Variants in PLK5 observed in about 807,000 individuals in gnomAD.
PLK5 encodes the protein inactive serine/threonine-protein kinase PLK5.
PLK5 carries 28 observed loss-of-function variants against 33.7 expected under a neutral mutation model. The observed-to-expected ratio is 0.83, with a 90% CI of 0.62 to 1.14. The LOEUF (loss-of-function observed/expected upper bound fraction) is 1.14, where lower values mean the gene tolerates loss of function less well. PLK5 is among the 50% of genes most tolerant of loss of function. The pLI is 0.00. For synonymous variants in PLK5, 225 were observed against 202.2 expected (o/e 1.11, Z -0.96); for missense variants, 492 against 461.5 (o/e 1.07, Z -0.61).
At chr19:1,531,614 G>A in intron 11 of PLK5, 124 bp from the exon 12 acceptor site, 1 of 1,185,388 alleles carries the variant, frequency 8.4e-7, no homozygotes, top group Non-Finnish European at 1.1e-6. Flanking sequence ...AAGCCCCCAA[G>A]CCTCTGTCCG....
At chr19:1,533,048 T>C (rs1913979196) in intron 12 of PLK5, among the ~76,000 whole-genome samples, 1 of 151,500 alleles carries the variant, frequency 6.6e-6, no homozygotes, top group African/African-American at 2.4e-5. Context: ...GGTGGGAGGA[T>C]CACTTGGTCC....
chr19:1,532,982 A>T (rs1219537843), intron 12 of PLK5, among the ~76,000 whole-genome samples: 18 of 148,648 alleles, frequency 1.2e-4, no homozygotes, highest in East Asian at 5.9e-4. Context: ...TTTTTTTTTT[A>T]AATTAGCCAA....
chr19:1,529,927 G>C, intron 11 of PLK5, 103 bp downstream of exon 11: 1 of 1,221,560 alleles, frequency 8.2e-7, no homozygotes, highest in Non-Finnish European at 1.1e-6. Context: ...TGGGGGTGAG[G>C]AGTAGGGGTG....
intron 11 of PLK5, 101 bp from the exon 12 acceptor site, chr19:1,531,637 G>A: frequency 7.2e-7 from 1 of 1,387,474 alleles, no homozygotes; most frequent in African/African-American, 1.5e-5. Context: ...CCCCGCCGTG[G>A]GAAGGGTCTC....
At position 1,535,318 on chromosome 19, in the gene PLK5, G is replaced by T. The variant is rs1239188619; in HGVS notation, c.*68G>T. 1.4e-6 allele frequency: 2 copies of T among 1,464,478 alleles called. No individual in the cohort carries two copies. Among genetic ancestry groups the T allele is most frequent in the East Asian group, 5.2e-5 (2 of 38,622 alleles). 90.7% of individuals were successfully genotyped at this position (1,464,478 alleles called of 1,614,324 possible). A position where few individuals can be genotyped will look rare whatever the true frequency, so the allele number is the denominator to read the frequency against. ...GGACCCAGGCTCCATTTCCATTCCT[G>T]TGGCTCCCCCAGAGGGGCTGTCCTG... is the stretch of plus-strand genomic sequence containing the variant. On this transcript the variant is annotated 3_prime_UTR_variant, in exon 14 of 14. Coordinates refer to ENST00000454744, the MANE Select transcript of PLK5 (RefSeq NM_001243079.2).
rs184594773 is a variant in PLK5 at position 1,527,038 on chromosome 19, G to A, written c.2+40G>A. ...GGAGAAGGTGGGCAGGGCCTCCGGG[G>A]GGGGCAGGTGTGGCGGGGGGGGAGC... is the stretch of plus-strand genomic sequence containing the variant. On this transcript the variant is annotated intron_variant, in intron 6 of 13. Coordinates refer to ENST00000454744, the MANE Select transcript of PLK5 (RefSeq NM_001243079.2). 1,625 of 1,447,502 alleles carry A rather than the reference G, an allele frequency of 1.1e-3. 13 individuals carry two copies. In the African/African-American group the frequency reaches 0.026, roughly 23 times the overall value. The allele number at this position is 1,447,502 out of a possible 1,614,324, so 89.7% of individuals were successfully genotyped here.
chr19:1,528,786 C>A, intron 8 of PLK5, 112 bp from the exon 9 acceptor site: 1 of 941,422 alleles, frequency 1.1e-6, no homozygotes, highest in South Asian at 1.8e-5. Context: ...CCACAACTGC[C>A]ACCTGCTCCG....
chr19:1,529,736 T>C lies in PLK5; in HGVS notation c.491-11T>C. 1 of 1,535,976 alleles carries C rather than the reference T, an allele frequency of 6.5e-7. No individual in the cohort carries two copies. The highest frequency in any genetic ancestry group is 2.0e-5 in the Admixed American group (1 of 51,000). On this transcript the variant is annotated splice_polypyrimidine_tract_variant and intron_variant, in intron 10 of 13. Coordinates refer to ENST00000454744, the MANE Select transcript of PLK5 (RefSeq NM_001243079.2). ...CAGACCTGTCTGCGGCACAAAGACCTGTCTTCCCAGGGCCCGAGGGGAGCC... is the reference window on the plus strand; with the variant it reads ...CAGACCTGTCTGCGGCACAAAGACCCGTCTTCCCAGGGCCCGAGGGGAGCC...
At chr19:1,535,021 C>G (rs944674997) in intron 13 of PLK5, 44 bp from the exon 14 acceptor site, 77 of 1,449,196 alleles carry the variant, frequency 5.3e-5, no homozygotes, top group Non-Finnish European at 7.0e-5. Flanking sequence ...GAGGCAGGTG[C>G]AGGGGTACCC....
At chr19:1,529,638 G>T in intron 10 of PLK5, 109 bp from the exon 11 acceptor site, 1 of 1,413,606 alleles carries the variant, frequency 7.1e-7, no homozygotes, top group South Asian at 1.2e-5. Context: ...GCCGCCTCTG[G>T]GTTGAGGATG....
At chr19:1,528,853 TG>T in intron 8 of PLK5, 44 bp from the exon 9 acceptor site, 1 of 1,387,736 alleles carries the variant, frequency 7.2e-7, no homozygotes, top group Non-Finnish European at 9.5e-7. Context: ...ACCCCCAGCT[TG>T]GGGCCCAGGC....
intron 13 of PLK5, 119 bp from the exon 14 acceptor site, chr19:1,534,946 C>T: frequency 1.1e-6 from 1 of 931,738 alleles, no homozygotes. Context: ...CTGGGGCAGG[C>T]ACTAGGGGCC....
At chr19:1,527,148 G>C (rs1270695488) in intron 6 of PLK5, 150 bp downstream of exon 6, 1 of 854,810 alleles carries the variant, frequency 1.2e-6, no homozygotes, top group South Asian at 1.7e-5. Context: ...TGAACAGGAC[G>C]TGTGTGGGGA....
chr19:1,534,727 G>A (rs1914042056), intron 13 of PLK5, among the ~76,000 whole-genome samples: 1 of 151,048 alleles, frequency 6.6e-6, no homozygotes. Context: ...TGAGGCAGGA[G>A]AATGGCGTGA....
Sources: allele counts gnomAD v4.1 joint callset (sites outside exome capture counted in the v4.1 genomes callset), GRCh38; gene constraint gnomAD v4.1.1; transcripts MANE v1.5; gene names NCBI Gene and HGNC (gene_info 2026-07-23, HGNC 2026-07-21).